CASP10: variants seen among roughly 807,000 people sequenced by gnomAD.
The protein encoded by CASP10 is caspase 10.
In CASP10, 41 loss-of-function variants were observed where a neutral mutation model predicts 48.5. The ratio of observed to expected loss-of-function variants is 0.85; its 90% CI spans 0.66 to 1.10. CASP10 has a LOEUF of 1.10. Ranked by LOEUF, CASP10 falls within the 50% of genes least tolerant of loss-of-function variation. CASP10 has a pLI of 0.00. For missense variants in CASP10, 614 were observed against 614.5 expected, an observed-to-expected ratio of 1.00 and a Z score of 0.01; for synonymous variants, 232 against 238.4, an observed-to-expected ratio of 0.97 and a Z score of 0.25.
At chr2:201,204,883 C>T (rs554907089) in intron 6 of CASP10, among the ~76,000 whole-genome samples, 23 of 152,306 alleles carry the variant, frequency 1.5e-4, no homozygotes, top group African/African-American at 4.1e-4. Context: ...GCCACTGAAG[C>T]GTGGATCCCT....
intron 6 of CASP10, among the ~76,000 whole-genome samples, chr2:201,204,286 T>C (rs1945128291): frequency 1.3e-5 from 2 of 152,200 alleles, no homozygotes; most frequent in Admixed American, 1.3e-4. Context: ...TTAAACTGCT[T>C]ATGAACAAAC....
chr2:201,203,670 G>A (rs2126038040), intron 5 of CASP10, 60 bp from the exon 6 acceptor site: 1 of 1,447,616 alleles, frequency 6.9e-7, no homozygotes, highest in Admixed American at 1.7e-5. Flanking sequence ...TCTAGTTTTT[G>A]TTCCTCATCC....
rs1429433059 is a variant in CASP10, at chr2:201,219,750, T to C, written c.*2009T>C. ...AATTTCTAGAGGAACTTTTTCTCTG[T>C]TAATTCCTGGAACTGTATTTTGAAT... On this transcript the variant is annotated 3_prime_UTR_variant, in exon 10 of 10. Coordinates refer to ENST00000286186, the MANE Select transcript of CASP10 (RefSeq NM_032977.4). 1.0e-6 allele frequency: 1 copy of C among 984,386 alleles called. No individual in the cohort carries two copies. The highest frequency in any genetic ancestry group is 1.1e-4 in the East Asian group (1 of 8,812). The allele number at this position is 984,386 out of a possible 1,614,324, so 61.0% of individuals were successfully genotyped here.
At position 201,219,626 on chromosome 2, in the gene CASP10, CT is replaced by C; in HGVS notation, c.*1887del. 1.0e-6 allele frequency: 1 copy of C among 984,564 alleles called. No individual in the cohort carries two copies. The highest frequency in any genetic ancestry group is 4.7e-5 in the South Asian group (1 of 21,240). 61.0% of individuals were successfully genotyped at this position (984,564 alleles called of 1,614,324 possible). ...TCTTCTTGGCAGAGGGGATGTCTGG[CT>C]TGCCTGAAGGGAGTGGCTCTGTAAG... On this transcript the variant is annotated 3_prime_UTR_variant, in exon 10 of 10. Coordinates refer to ENST00000286186, the MANE Select transcript of CASP10 (RefSeq NM_032977.4).
chr2:201,220,134 G>A lies in CASP10; in HGVS notation c.*2393G>A. 2 of 985,398 alleles carry A rather than the reference G, an allele frequency of 2.0e-6. No homozygotes were observed. Among genetic ancestry groups the A allele is most frequent in the Non-Finnish European group, 2.4e-6 (2 of 829,900 alleles). The allele number at this position is 985,398 out of a possible 1,614,324, so 61.0% of individuals were successfully genotyped here. A position where few individuals can be genotyped will look rare whatever the true frequency, so the allele number is the denominator to read the frequency against. On this transcript the variant is annotated 3_prime_UTR_variant, in exon 10 of 10. Transcript: ENST00000286186. ...TGATTGTCATGTGGATTTGAATGTA[G>A]CTTGACAGAGGGAATGTCTAATCTA...
chr2:201,203,133 A>G (rs1283813619), intron 5 of CASP10, among the ~76,000 whole-genome samples: 2 of 152,050 alleles, frequency 1.3e-5, no homozygotes, highest in African/African-American at 4.8e-5. Flanking sequence ...AGCTTTTTCA[A>G]TCACTTCCTA....
At chr2:201,215,020 A>T (rs181910668) in intron 9 of CASP10, 1 of 151,994 alleles carries the variant, frequency 6.6e-6, no homozygotes, top group Non-Finnish European at 1.5e-5. Flanking sequence ...TTTTTTTCTT[A>T]TACCTGTGGA....
chr2:201,222,224 T>C (rs553035604), downstream of CASP10, among the ~76,000 whole-genome samples: 508 of 150,924 alleles, frequency 3.4e-3, 1 homozygote, highest in Non-Finnish European at 5.8e-3. Context: ...TTCATTCTTT[T>C]TTTTTTTTTT....
downstream of CASP10, among the ~76,000 whole-genome samples, chr2:201,225,977 A>G (rs1220227728): frequency 1.3e-5 from 2 of 152,332 alleles, no homozygotes; most frequent in East Asian, 1.9e-4. Context: ...AAACAAAAAC[A>G]AAAACAAAAC....
chr2:201,218,468 C>CT lies in CASP10; in HGVS notation c.*732dup. Reference sequence around the variant, plus strand: ...CAGGTGTGTGTCCATGCACAGCTAACTTTTTATTTTTTTTGTGGAGATGGG... The same window carrying CT: ...CAGGTGTGTGTCCATGCACAGCTAACTTTTTTATTTTTTTTGTGGAGATGGG... On this transcript the variant is annotated 3_prime_UTR_variant, in exon 10 of 10. Coordinates refer to ENST00000286186, the MANE Select transcript of CASP10 (RefSeq NM_032977.4). The CT allele has an allele frequency of 2.9e-6, 2 of 691,854 alleles. No individual in the cohort carries two copies. The highest frequency in any genetic ancestry group is 3.6e-6 in the Non-Finnish European group (2 of 562,962). The allele number at this position is 691,854 out of a possible 1,614,324, so 42.9% of individuals were successfully genotyped here.
intron 7 of CASP10, among the ~76,000 whole-genome samples, chr2:201,207,478 G>T (rs1945242412): frequency 6.6e-6 from 1 of 152,014 alleles, no homozygotes; most frequent in Non-Finnish European, 1.5e-5. Flanking sequence ...AAAATTATCG[G>T]CTGGGCGCGG....
At chr2:201,206,463 A>G (rs1441608889) in intron 7 of CASP10, among the ~76,000 whole-genome samples, 1 of 150,244 alleles carries the variant, frequency 6.7e-6, no homozygotes, top group Non-Finnish European at 1.5e-5. Flanking sequence ...ATTGAATTTT[A>G]AAAATTGAAT....
At chr2:201,212,280 T>C (rs1350993108) in intron 9 of CASP10, 1 of 152,108 alleles carries the variant, frequency 6.6e-6, no homozygotes, top group African/African-American at 2.4e-5. Flanking sequence ...ATTTCCGTGA[T>C]GATTAGTGAT....
Position 201,195,864 on chromosome 2 carries a change from T to C in CASP10, c.600T>C (p.Pro200=), listed in dbSNP as rs961213763. ...REKAIQIVTP[P]VDKEAESYQG... ...CAGCTATCCAGATAGTGACACCTCC[T>C]GTAGACAAGGAAGCCGAGTCGTATC... The change falls in exon 5 of 10, where the codon CCT becomes CCC. Residue 200 remains proline (P), a synonymous_variant. Coordinates refer to ENST00000286186, the MANE Select transcript of CASP10 (RefSeq NM_032977.4). The C allele has an allele frequency of 1.5e-5, 25 of 1,613,546 alleles. No homozygotes were observed. The East Asian group carries it at 5.6e-4, about 36-fold the overall frequency.
chr2:201,198,536 A>ATTTTT (rs1944889413), intron 5 of CASP10, among the ~76,000 whole-genome samples: 1 of 59,568 alleles, frequency 1.7e-5, no homozygotes, highest in African/African-American at 7.3e-5. Flanking sequence ...TTATTTTTTA[A>ATTTTT]TTCTTTTTTT....
intron 4 of CASP10, among the ~76,000 whole-genome samples, chr2:201,194,891 G>A (rs1576086634): frequency 2.0e-5 from 3 of 151,746 alleles, no homozygotes. Context: ...CCATTCTTCC[G>A]CCTCAGCCTC....
intron 6 of CASP10, among the ~76,000 whole-genome samples, chr2:201,204,350 C>T (rs551768985): frequency 4.5e-4 from 68 of 152,032 alleles, no homozygotes; most frequent in African/African-American, 1.6e-3. Context: ...GACCATTCCT[C>T]ATTTTTTTTT....
At chr2:201,210,036 A>C (rs1362982046) in intron 9 of CASP10, among the ~76,000 whole-genome samples, 1 of 152,256 alleles carries the variant, frequency 6.6e-6, no homozygotes, top group Non-Finnish European at 1.5e-5. Flanking sequence ...TCTAGAAATG[A>C]CAAATAGATG....
At chr2:201,192,872 T>C in intron 3 of CASP10, 112 bp from the exon 4 acceptor site, 1 of 1,092,620 alleles carries the variant, frequency 9.2e-7, no homozygotes, top group East Asian at 2.4e-5. Flanking sequence ...GCAGATGCTG[T>C]TATATCTTAT....
Sources: gnomAD v4.1 joint callset for allele counts (sites outside exome capture counted in the v4.1 genomes callset) on GRCh38, gnomAD v4.1.1 for gene constraint, MANE v1.5 for transcripts, NCBI Gene and HGNC (gene_info 2026-07-23, HGNC 2026-07-21) for gene names.